The following CD72 variants were observed in gnomAD, a reference collection of about 807,000 sequenced individuals.
CD72 encodes CD72 molecule, also known as B-cell differentiation antigen CD72.
A neutral mutation model predicts 50.7 loss-of-function variants in CD72; 28 were observed. The observed-to-expected ratio is 0.55, with a 90% CI of 0.41 to 0.76. CD72 has a LOEUF of 0.76. Among genes scored for constraint, CD72 ranks in the 30% least tolerant of loss-of-function variants. The pLI, the probability that CD72 is intolerant of heterozygous loss-of-function variation, is 0.00. For synonymous variants in CD72, 176 were observed against 171.2 expected (o/e 1.03, Z -0.22); for missense variants, 403 against 420.6 (o/e 0.96, Z 0.37).
chr9:35,610,057 T>C lies in CD72; in HGVS notation c.*266A>G. 2 of 302,438 alleles carry C rather than the reference T, an allele frequency of 6.6e-6. No homozygotes were observed. Among genetic ancestry groups the C allele is most frequent in the Non-Finnish European group, 1.2e-5 (2 of 164,488 alleles). The allele number at this position is 302,438 out of a possible 1,614,324, so 18.7% of individuals were successfully genotyped here. On this transcript the variant is annotated 3_prime_UTR_variant, in exon 9 of 9. Coordinates refer to ENST00000259633, the MANE Select transcript of CD72 (RefSeq NM_001782.3). ...TATCCGCTCAGCCCGTGCGCCCTCCTCCCCCACCCCATTCTACCATGGGAA... is the reference window on the plus strand; with the variant it reads ...TATCCGCTCAGCCCGTGCGCCCTCCCCCCCCACCCCATTCTACCATGGGAA...
At chr9:35,620,844 G>T (rs928929758), upstream of CD72, among the ~76,000 whole-genome samples, 1 of 152,074 alleles carries the variant, frequency 6.6e-6, no homozygotes, top group Non-Finnish European at 1.5e-5. Flanking sequence ...AAAAAGAAGG[G>T]GATCCCCAGA....
upstream of CD72, chr9:35,618,797 G>T (rs1403085616): frequency 2.3e-6 from 3 of 1,285,514 alleles, no homozygotes; most frequent in African/African-American, 1.5e-5. Context: ...GAGACTGGGG[G>T]TTCCTGGTTT....
At chr9:35,615,479 C>T (rs1034805003) in intron 5 of CD72, among the ~76,000 whole-genome samples, 18 of 152,140 alleles carry the variant, frequency 1.2e-4, no homozygotes, top group African/African-American at 4.1e-4. Flanking sequence ...GAGTGCTGAG[C>T]GCCTCACTGC....
intron 1 of CD72, among the ~76,000 whole-genome samples, chr9:35,634,823 T>C (rs1183644280): frequency 3.9e-5 from 6 of 152,230 alleles, no homozygotes; most frequent in Non-Finnish European, 5.9e-5. Context: ...CCTTATAGTG[T>C]GTTCCATCTG....
intron 1 of CD72, among the ~76,000 whole-genome samples, chr9:35,634,823 T>G (rs1183644280): frequency 6.6e-6 from 1 of 152,230 alleles, no homozygotes; most frequent in African/African-American, 2.4e-5. Context: ...CCTTATAGTG[T>G]GTTCCATCTG....
At position 35,610,018 on chromosome 9, in the gene CD72, C is replaced by G. The variant is rs1822948437; in HGVS notation, c.*305G>C. ...GATTTCAATAAAACTGCCTGGCTGG[C>G]TCCGGGCCGCCCCTATCCGCTCAGC... On this transcript the variant is annotated 3_prime_UTR_variant, in exon 9 of 9. Transcript: ENST00000259633. 4.9e-6 allele frequency: 2 copies of G among 408,298 alleles called. No individual in the cohort carries two copies. The highest frequency in any genetic ancestry group is 8.7e-6 in the Non-Finnish European group (2 of 229,716). 25.3% of individuals were successfully genotyped at this position (408,298 alleles called of 1,614,324 possible).
intron 5 of CD72, among the ~76,000 whole-genome samples, chr9:35,614,854 G>A (rs76615252): frequency 0.038 from 5,717 of 152,222 alleles, 107 homozygotes; most frequent in Non-Finnish European, 0.046. Context: ...AAATAAGTGA[G>A]TAGTTGAAGT....
At chr9:35,628,319 G>GTGGT (rs1823214238) in intron 1 of CD72, among the ~76,000 whole-genome samples, 2 of 152,338 alleles carry the variant, frequency 1.3e-5, no homozygotes, top group South Asian at 4.1e-4. Flanking sequence ...TGGGCGGGGC[G>GTGGT]TGGTGGCTCA....
At chr9:35,629,968 T>C (rs1823228491) in intron 1 of CD72, among the ~76,000 whole-genome samples, 1 of 152,110 alleles carries the variant, frequency 6.6e-6, no homozygotes, top group African/African-American at 2.4e-5. Context: ...GACTAATTTT[T>C]CCCCTTTGCT....
At chr9:35,610,994 G>A (rs999237449) in intron 7 of CD72, among the ~76,000 whole-genome samples, 2 of 152,088 alleles carry the variant, frequency 1.3e-5, no homozygotes, top group South Asian at 2.1e-4. Context: ...GCTCATGCCT[G>A]CAATCCCAGC....
intron 1 of CD72, among the ~76,000 whole-genome samples, chr9:35,644,372 A>G (rs1823368080): frequency 6.6e-6 from 1 of 151,036 alleles, no homozygotes; most frequent in African/African-American, 2.5e-5. Flanking sequence ...AAAAAAAAAA[A>G]AAAGACCTAG....
chr9:35,622,773 C>T (rs1026228695), upstream of CD72, among the ~76,000 whole-genome samples: 46 of 148,580 alleles, frequency 3.1e-4, no homozygotes, highest in Non-Finnish European at 6.0e-4. Context: ...GGTGACAGAG[C>T]GAGACTCTGT....
At chr9:35,640,653 C>T (rs1030381784) in intron 1 of CD72, among the ~76,000 whole-genome samples, 1 of 152,218 alleles carries the variant, frequency 6.6e-6, no homozygotes, top group African/African-American at 2.4e-5. Context: ...GAGTCAGCAG[C>T]AGGATGGGAG....
At chr9:35,646,340 A>T (rs905726716) in intron 1 of CD72, 4 of 152,206 alleles carry the variant, frequency 2.6e-5, no homozygotes, top group Admixed American at 6.5e-5. Context: ...GGGCGCTAGG[A>T]CGGGCACTCC....
chr9:35,610,571 C>G, intron 8 of CD72, 31 bp downstream of exon 8: 4 of 1,579,326 alleles, frequency 2.5e-6, no homozygotes, highest in Non-Finnish European at 3.5e-6. Flanking sequence ...CCCTGGACTC[C>G]CCATGCCTCA....
intron 1 of CD72, among the ~76,000 whole-genome samples, chr9:35,631,619 C>A (rs925328696): frequency 6.6e-6 from 1 of 152,156 alleles, no homozygotes; most frequent in Non-Finnish European, 1.5e-5. Flanking sequence ...AACGGCTGGG[C>A]GCGGTGGCTC....
chr9:35,613,080 G>T, intron 5 of CD72, 87 bp from the exon 6 acceptor site: 2 of 1,104,520 alleles, frequency 1.8e-6, no homozygotes, highest in Non-Finnish European at 2.7e-6. Flanking sequence ...TTCCCCCAGA[G>T]CTAATCTCAG....
chr9:35,624,219 AT>A (rs1823174089), upstream of CD72, among the ~76,000 whole-genome samples: 1 of 47,160 alleles, frequency 2.1e-5, no homozygotes, highest in African/African-American at 1.2e-4. Context: ...CTCAAAAATA[AT>A]AATAATAATA....
chr9:35,620,473 A>G (rs1469321007), upstream of CD72, among the ~76,000 whole-genome samples: 1 of 145,796 alleles, frequency 6.9e-6, no homozygotes, highest in East Asian at 2.1e-4. Context: ...TCCATCTCCA[A>G]AAAAAAAAAA....
Sources: allele counts gnomAD v4.1 joint callset (sites outside exome capture counted in the v4.1 genomes callset), GRCh38; gene constraint gnomAD v4.1.1; transcripts MANE v1.5; gene names NCBI Gene and HGNC (gene_info 2026-07-23, HGNC 2026-07-21).